CYFIP1: variants seen among roughly 807,000 people sequenced by gnomAD.
CYFIP1 encodes cytoplasmic FMR1-interacting protein 1.
CYFIP1 carries 58 observed loss-of-function variants against 163.5 expected under a neutral mutation model. That is an observed-to-expected ratio of 0.35 (90% confidence interval 0.29 to 0.44). The LOEUF (loss-of-function observed/expected upper bound fraction) is 0.44. Ranked by LOEUF, CYFIP1 falls within the 20% of genes least tolerant of loss-of-function variation. The pLI, the probability that CYFIP1 is intolerant of heterozygous loss-of-function variation, is 1.00. For synonymous variants in CYFIP1, 663 were observed against 660.7 expected (o/e 1.00, Z -0.05); for missense variants, 1,338 against 1,653.8 (o/e 0.81, Z 3.31).
chr15:22,871,127 T>C (rs1022503249), intron 30 of CYFIP1, among the ~76,000 whole-genome samples: 10 of 151,998 alleles, frequency 6.6e-5, no homozygotes, highest in African/African-American at 2.4e-4. Context: ...TAGCACCCCA[T>C]AGAGATGGGC....
At chr15:22,971,924 A>C (rs1436019246) in intron 1 of CYFIP1, among the ~76,000 whole-genome samples, 3 of 152,200 alleles carry the variant, frequency 2.0e-5, no homozygotes, top group African/African-American at 7.2e-5. Context: ...ATTCAATGCA[A>C]TCTACAGGTT....
intron 5 of CYFIP1, 80 bp downstream of exon 5, chr15:22,944,478 A>T: frequency 1.1e-6 from 1 of 920,226 alleles, no homozygotes; most frequent in Non-Finnish European, 1.7e-6. Context: ...CAGGGTGTTC[A>T]CAGTGACAGT....
intron 8 of CYFIP1, among the ~76,000 whole-genome samples, chr15:22,938,367 G>C (rs903313295): frequency 5.3e-5 from 8 of 152,126 alleles, no homozygotes; most frequent in African/African-American, 7.2e-5. Flanking sequence ...ACTTTGCGGG[G>C]GACAAGGCAA....
chr15:22,925,849 G>T, intron 13 of CYFIP1, 133 bp downstream of exon 13: 1 of 1,324,198 alleles, frequency 7.6e-7, no homozygotes, highest in Non-Finnish European at 1.0e-6. Flanking sequence ...TGACTACTCT[G>T]CCAGATGGAA....
chr15:22,935,880 T>C (rs1822889), intron 9 of CYFIP1, among the ~76,000 whole-genome samples: 142,678 of 152,302 alleles, frequency 0.94, 66,873 homozygotes, highest in African/African-American at 0.97. Context: ...AAACATCACA[T>C]CATATACCAT....
intron 5 of CYFIP1, among the ~76,000 whole-genome samples, chr15:22,943,583 C>A (rs2061962004): frequency 6.6e-6 from 1 of 152,204 alleles, no homozygotes; most frequent in Non-Finnish European, 1.5e-5. Context: ...AACTACATCA[C>A]TAAAGTAACA....
At chr15:22,905,638 C>A (rs903749594) in intron 21 of CYFIP1, among the ~76,000 whole-genome samples, 2 of 151,724 alleles carry the variant, frequency 1.3e-5, no homozygotes, top group Non-Finnish European at 2.9e-5. Flanking sequence ...ACGGGGTTTA[C>A]CATGGTGGCC....
At chr15:22,923,742 A>C (rs1434831469) in intron 13 of CYFIP1, among the ~76,000 whole-genome samples, 5 of 152,064 alleles carry the variant, frequency 3.3e-5, no homozygotes, top group Admixed American at 2.6e-4. Context: ...CAGGAGTTCA[A>C]GACCAGACTA....
chr15:22,979,669 C>A (rs1213823953), intron 1 of CYFIP1, among the ~76,000 whole-genome samples: 1 of 152,168 alleles, frequency 6.6e-6, no homozygotes, highest in African/African-American at 2.4e-5. Flanking sequence ...GCATTTCAGC[C>A]TTAAAATACA....
At chr15:22,902,912 C>A (rs541696930) in intron 22 of CYFIP1, among the ~76,000 whole-genome samples, 5 of 152,204 alleles carry the variant, frequency 3.3e-5, no homozygotes, top group African/African-American at 7.2e-5. Context: ...CATCAGAGCT[C>A]GGCATCCTGT....
intron 27 of CYFIP1, 133 bp downstream of exon 27, chr15:22,875,066 A>C: frequency 1.3e-6 from 1 of 764,892 alleles, no homozygotes; most frequent in South Asian, 1.5e-5. Context: ...TACACTCCTC[A>C]TTACCCCTGG....
rs2061369023 is a variant in CYFIP1 at position 22,926,746 on chromosome 15, C to T, written c.1234-639G>A. On this transcript the variant is annotated intron_variant, in intron 12 of 30. Transcript: ENST00000617928. ...TATCTTAAAAATGCAGGGCGTGAAG[C>T]GACATTAATGGGTACAAATGTACAG... 3.3e-5 allele frequency among the ~76,000 whole-genome samples: 5 copies of T among 152,088 alleles called. No individual in the cohort carries two copies. The South Asian group carries it at 6.2e-4, about 19-fold the overall frequency.
intron 1 of CYFIP1, 140 bp downstream of exon 1, chr15:22,980,147 G>C (rs1406034549): frequency 1.4e-5 from 2 of 139,082 alleles, no homozygotes; most frequent in Non-Finnish European, 3.2e-5. Flanking sequence ...CCGCGCCGCC[G>C]GGGAGGCCGC....
intron 1 of CYFIP1, among the ~76,000 whole-genome samples, chr15:22,978,892 G>A (rs1447275300): frequency 6.6e-6 from 1 of 152,126 alleles, no homozygotes; most frequent in African/African-American, 2.4e-5. Flanking sequence ...GGAGGAGAGA[G>A]GCTGCCTTCC....
intron 1 of CYFIP1, among the ~76,000 whole-genome samples, chr15:22,979,327 G>A (rs2063386288): frequency 6.6e-6 from 1 of 152,174 alleles, no homozygotes. Flanking sequence ...AAGCTGTCAA[G>A]CATAGCAATG....
rs111902829 is a variant in CYFIP1 at position 22,976,949 on chromosome 15, T to C, written c.-7+3338A>G. On this transcript the variant is annotated intron_variant, in intron 1 of 30. Transcript: ENST00000617928. ...GCCCGGTGGCTCACGCCTATAATCCTAGCACTTTGGGAGGCCGAGGCAGGC... is the reference window on the plus strand; with the variant it reads ...GCCCGGTGGCTCACGCCTATAATCCCAGCACTTTGGGAGGCCGAGGCAGGC... Among the ~76,000 whole-genome samples the C allele has an allele frequency of 7.9e-3, 1,208 of 152,186 alleles. 23 individuals carry two copies. The highest frequency in any genetic ancestry group is 0.028 in the African/African-American group (1,147 of 41,530).
At chr15:22,949,215 C>G (rs1054201770) in intron 1 of CYFIP1, among the ~76,000 whole-genome samples, 1 of 152,132 alleles carries the variant, frequency 6.6e-6, no homozygotes, top group Non-Finnish European at 1.5e-5. Context: ...GTGGGAGGGC[C>G]GCGGATTCCC....
chr15:22,970,090 A>G (rs138907006), intron 1 of CYFIP1, among the ~76,000 whole-genome samples: 1 of 152,228 alleles, frequency 6.6e-6, no homozygotes, highest in Admixed American at 6.5e-5. Context: ...TTGCATTTCT[A>G]TATTTTAGCA....
intron 22 of CYFIP1, among the ~76,000 whole-genome samples, chr15:22,899,874 C>A (rs1424476538): frequency 6.6e-6 from 1 of 152,050 alleles, no homozygotes; most frequent in Non-Finnish European, 1.5e-5. Context: ...ATGGTGAAAC[C>A]CCATTTCTAC....
Sources: allele counts gnomAD v4.1 joint callset (sites outside exome capture counted in the v4.1 genomes callset), GRCh38; gene constraint gnomAD v4.1.1; transcripts MANE v1.5; gene names NCBI Gene and HGNC (gene_info 2026-07-23, HGNC 2026-07-21).